The following HSPA12A variants were observed in gnomAD, a reference collection of about 807,000 sequenced individuals.
HSPA12A encodes the protein heat shock 70 kDa protein 12A.
A neutral mutation model predicts 69.2 loss-of-function variants in HSPA12A; 28 were observed. The observed-to-expected ratio is 0.40, with a 90% CI of 0.30 to 0.55. The LOEUF (loss-of-function observed/expected upper bound fraction) is 0.55, where lower values mean the gene tolerates loss of function less well. HSPA12A is among the 20% of genes least tolerant of loss of function. The pLI is 0.38. For synonymous variants in HSPA12A, 345 were observed against 370.5 expected (o/e 0.93, Z 0.79); for missense variants, 686 against 900.7 (o/e 0.76, Z 3.05).
At chr10:116,779,465 T>C (rs1228443933) in intron 2 of HSPA12A, among the ~76,000 whole-genome samples, 2 of 152,140 alleles carry the variant, frequency 1.3e-5, no homozygotes, top group Non-Finnish European at 2.9e-5. Context: ...CCTGCTCTGC[T>C]GGACTCGGGT....
chr10:116,834,809 T>C, intron 2 of HSPA12A: 1 of 419,160 alleles, frequency 2.4e-6, no homozygotes, highest in Middle Eastern at 7.1e-4. Context: ...GGCAAACATC[T>C]TACACGTGCA....
chr10:116,741,342 C>A lies in HSPA12A; in HGVS notation c.40+1088G>T, dbSNP rs559133772. Among the ~76,000 whole-genome samples, 35 of 152,380 alleles carry A rather than the reference C, an allele frequency of 2.3e-4. 2 individuals are homozygous for A. In the South Asian group the frequency reaches 5.6e-3, roughly 24 times the overall value. ...TGTGCTGCCACTGGACTCAGTTTCT[C>A]CAGCTTTTGGGGCCCCGCAGAGCCA... is the stretch of plus-strand genomic sequence containing the variant. On this transcript the variant is annotated intron_variant, in intron 1 of 11. Coordinates refer to ENST00000369209, the MANE Select transcript of HSPA12A (RefSeq NM_025015.3).
intron 2 of HSPA12A, among the ~76,000 whole-genome samples, chr10:116,794,759 G>A (rs1290147541): frequency 6.6e-6 from 1 of 151,674 alleles, no homozygotes; most frequent in Non-Finnish European, 1.5e-5. Flanking sequence ...ATTGCAGTGA[G>A]CCGAGATCAC....
At chr10:116,687,311 C>T (rs1180302768) in intron 6 of HSPA12A, among the ~76,000 whole-genome samples, 2 of 152,150 alleles carry the variant, frequency 1.3e-5, no homozygotes, top group Non-Finnish European at 2.9e-5. Context: ...AAGAGGACCC[C>T]ACTCCTGAGC....
At chr10:116,778,366 C>T (rs536395928) in intron 2 of HSPA12A, among the ~76,000 whole-genome samples, 14 of 152,256 alleles carry the variant, frequency 9.2e-5, no homozygotes, top group South Asian at 8.3e-4. Flanking sequence ...CTCTAACAGC[C>T]GACCTTACAC....
intron 2 of HSPA12A, 97 bp from the exon 3 acceptor site, chr10:116,705,375 C>A: frequency 7.3e-7 from 1 of 1,362,546 alleles, no homozygotes. Flanking sequence ...GCTGTGAACC[C>A]CCTGCAGACA....
At chr10:116,756,724 C>T (rs1445298564) in intron 2 of HSPA12A, among the ~76,000 whole-genome samples, 1 of 152,162 alleles carries the variant, frequency 6.6e-6, no homozygotes, top group Admixed American at 6.5e-5. Context: ...CATTCATTCA[C>T]TCATTTGTGC....
At chr10:116,742,409 G>T in intron 1 of HSPA12A, 21 bp downstream of exon 1, 1 of 1,433,570 alleles carries the variant, frequency 7.0e-7, no homozygotes, top group Non-Finnish European at 9.1e-7. Flanking sequence ...CGCGGCCGCA[G>T]GACCCGCAGC....
chr10:116,722,228 G>C (rs1554884453), intron 1 of HSPA12A, among the ~76,000 whole-genome samples: 5 of 152,212 alleles, frequency 3.3e-5, no homozygotes, highest in Non-Finnish European at 7.3e-5. Context: ...AGACGGGTCA[G>C]GCGCAGGGTG....
intron 2 of HSPA12A, among the ~76,000 whole-genome samples, chr10:116,797,830 C>T (rs901951319): frequency 6.6e-6 from 1 of 152,036 alleles, no homozygotes; most frequent in African/African-American, 2.4e-5. Context: ...GGCCACAAAA[C>T]GGAAGCACTG....
intron 1 of HSPA12A, among the ~76,000 whole-genome samples, chr10:116,737,121 G>A (rs1554886502): frequency 6.6e-6 from 1 of 152,174 alleles, no homozygotes; most frequent in Non-Finnish European, 1.5e-5. Context: ...AAAAACTGAG[G>A]CTTTATGGGG....
intron 2 of HSPA12A, among the ~76,000 whole-genome samples, chr10:116,788,791 G>A (rs918901239): frequency 1.3e-4 from 20 of 151,786 alleles, no homozygotes; most frequent in African/African-American, 4.8e-4. Context: ...TCACATAAAT[G>A]AGAGAAACTA....
intron 1 of HSPA12A, among the ~76,000 whole-genome samples, chr10:116,717,721 G>A (rs540289785): frequency 5.9e-5 from 9 of 152,196 alleles, no homozygotes; most frequent in East Asian, 1.9e-4. Flanking sequence ...AAAAACGACC[G>A]TGTGCTTACA....
At chr10:116,713,495 T>C (rs1281126004) in intron 1 of HSPA12A, among the ~76,000 whole-genome samples, 1 of 152,132 alleles carries the variant, frequency 6.6e-6, no homozygotes, top group African/African-American at 2.4e-5. Flanking sequence ...GGGGGCAGCA[T>C]CAGGCCCATC....
Position 116,700,993 on chromosome 10 carries a change from T to C in HSPA12A, c.391A>G (p.Lys131Glu). Residue 131 changes from lysine to glutamate, a missense_variant, in exon 4 of 12, where the codon AAG (lysine) becomes GAG (glutamate). Transcript: ENST00000369209. ...AACTTCTCCAGGTACAGCCACTGCT[T>C]GGCCTCATTGGGATCCAGGTCATGG... ...FYHDLDPNEA[K>E]QWLYLEKFKM... The C allele has an allele frequency of 6.2e-7, 1 of 1,613,990 alleles. No individual in the cohort carries two copies. The highest frequency in any genetic ancestry group is 8.5e-7 in the Non-Finnish European group (1 of 1,180,014).
chr10:116,683,138 A>G (rs1239679105), intron 7 of HSPA12A, among the ~76,000 whole-genome samples: 1 of 152,044 alleles, frequency 6.6e-6, no homozygotes, highest in Non-Finnish European at 1.5e-5. Flanking sequence ...TGACCCTGAC[A>G]GGGCGTGTCT....
At chr10:116,821,597 G>A (rs1030339764) in intron 2 of HSPA12A, among the ~76,000 whole-genome samples, 1 of 152,238 alleles carries the variant, frequency 6.6e-6, no homozygotes, top group African/African-American at 2.4e-5. Context: ...GCCCCATGAG[G>A]GCAGGGATTT....
intron 2 of HSPA12A, among the ~76,000 whole-genome samples, chr10:116,763,994 G>A (rs187226138): frequency 6.6e-6 from 1 of 152,038 alleles, no homozygotes; most frequent in African/African-American, 2.4e-5. Flanking sequence ...GCAACCTTTG[G>A]GGGGGTGTTC....
At chr10:116,694,575 C>A (rs1849830261) in intron 5 of HSPA12A, among the ~76,000 whole-genome samples, 1 of 152,108 alleles carries the variant, frequency 6.6e-6, no homozygotes, top group South Asian at 2.1e-4. Context: ...GCTGCTCACT[C>A]CTTTCCTGTT....
Sources: allele counts gnomAD v4.1 joint callset (sites outside exome capture counted in the v4.1 genomes callset), GRCh38; gene constraint gnomAD v4.1.1; transcripts MANE v1.5; gene names NCBI Gene and HGNC (gene_info 2026-07-23, HGNC 2026-07-21).